The following LINGO1 variants were observed in gnomAD, a reference collection of about 807,000 sequenced individuals.
LINGO1 encodes leucine-rich repeat and immunoglobulin-like domain-containing nogo receptor-interacting protein 1.
In LINGO1, 11 loss-of-function variants were observed where a neutral mutation model predicts 37.3. That is an observed-to-expected ratio of 0.29 (90% CI 0.19 to 0.49). The LOEUF is 0.49. LINGO1 is among the 20% of genes least tolerant of loss of function. The probability of loss-of-function intolerance (pLI) is 0.99; values close to 1 mark genes in which losing one functional copy is unlikely to be tolerated. For missense variants in LINGO1, 585 were observed against 878.2 expected (o/e 0.67, Z 4.22); for synonymous variants, 387 against 403.0 (o/e 0.96, Z 0.48).
At position 77,810,330 on chromosome 15, in the gene LINGO1, G is replaced by GCA. The variant is rs985818947; in HGVS notation, c.-458+9926_-458+9927dup. 2.6e-4 allele frequency among the ~76,000 whole-genome samples: 38 copies of GCA among 147,858 alleles called. No homozygotes were observed. In the South Asian group the frequency reaches 2.8e-3, roughly 11 times the overall value. On this transcript the variant is annotated intron_variant, in intron 1 of 5. Coordinates refer to the LINGO1 transcript ENST00000562933. Reference sequence around the variant, plus strand: ...TAGGCTCACACACACACATACACATGCACACACACACACATGCACACACAC... The same window carrying GCA: ...TAGGCTCACACACACACATACACATGCACACACACACACACATGCACACACAC...
At chr15:77,738,299 C>A (rs910486480) in intron 1 of LINGO1, among the ~76,000 whole-genome samples, 1 of 152,170 alleles carries the variant, frequency 6.6e-6, no homozygotes, top group Non-Finnish European at 1.5e-5. Context: ...CCCTGTGGCT[C>A]CCTGCCATAA....
At chr15:77,719,467 C>T (rs1596152052) in intron 2 of LINGO1, among the ~76,000 whole-genome samples, 2 of 149,776 alleles carry the variant, frequency 1.3e-5, no homozygotes, top group Admixed American at 6.7e-5. Context: ...GAAACCCAAA[C>T]GCCTCCCAGG....
intron 1 of LINGO1, among the ~76,000 whole-genome samples, chr15:77,755,508 G>C (rs187780266): frequency 1.3e-5 from 2 of 152,176 alleles, no homozygotes; most frequent in African/African-American, 2.4e-5. Flanking sequence ...CCCTGACCCC[G>C]CATTTCTTTA....
intron 1 of LINGO1, among the ~76,000 whole-genome samples, chr15:77,769,828 G>T (rs2076566633): frequency 6.6e-6 from 1 of 152,158 alleles, no homozygotes; most frequent in East Asian, 1.9e-4. Context: ...CCCGGTGCGG[G>T]TACCTCACAA....
chr15:77,755,298 C>T (rs796855364), intron 1 of LINGO1, among the ~76,000 whole-genome samples: 1 of 152,346 alleles, frequency 6.6e-6, no homozygotes, highest in African/African-American at 2.4e-5. Context: ...CAGAGTCTTA[C>T]TCAAAAGAGG....
At chr15:77,646,168 C>T (rs1359627991) in intron 3 of LINGO1, among the ~76,000 whole-genome samples, 1 of 152,242 alleles carries the variant, frequency 6.6e-6, no homozygotes, top group Non-Finnish European at 1.5e-5. Flanking sequence ...ACCTTCTAGG[C>T]CTAGTAAAGT....
intron 3 of LINGO1, among the ~76,000 whole-genome samples, chr15:77,671,453 C>T (rs905191976): frequency 2.6e-5 from 4 of 152,200 alleles, no homozygotes; most frequent in Non-Finnish European, 5.9e-5. Context: ...GAGCCCAACA[C>T]AGTGATGACG....
chr15:77,795,216 G>A (rs542480615), intron 2 of LINGO1, among the ~76,000 whole-genome samples: 1 of 152,210 alleles, frequency 6.6e-6, no homozygotes, highest in Admixed American at 6.5e-5. Context: ...AGCAAGCCGG[G>A]GTCAAGCCAG....
intron 3 of LINGO1, among the ~76,000 whole-genome samples, chr15:77,649,739 G>A (rs1439385917): frequency 1.3e-5 from 2 of 152,148 alleles, no homozygotes. Flanking sequence ...GTGGCAGGCA[G>A]GACTCTTGCT....
chr15:77,783,019 G>C (rs1314188571), intron 1 of LINGO1, among the ~76,000 whole-genome samples: 3 of 152,012 alleles, frequency 2.0e-5, no homozygotes, highest in African/African-American at 7.2e-5. Context: ...TCCAGACACA[G>C]CCAGCTACTT....
chr15:77,774,695 T>C (rs1427587151), intron 1 of LINGO1, among the ~76,000 whole-genome samples: 4 of 151,974 alleles, frequency 2.6e-5, no homozygotes, highest in Non-Finnish European at 5.9e-5. Context: ...ATGTCAGTAA[T>C]GAGAGCAGCA....
intron 3 of LINGO1, among the ~76,000 whole-genome samples, chr15:77,652,531 T>TG (rs55988808): frequency 7.1e-6 from 1 of 141,438 alleles, no homozygotes; most frequent in Non-Finnish European, 1.5e-5. Context: ...TGTGTGTGTG[T>TG]TGCCAGAATA....
intron 3 of LINGO1, among the ~76,000 whole-genome samples, chr15:77,643,256 C>G (rs1039518751): frequency 1.4e-4 from 22 of 152,198 alleles, no homozygotes; most frequent in African/African-American, 4.8e-4. Flanking sequence ...GTGCTGGGAG[C>G]AGGACGGCTG....
chr15:77,769,811 A>G (rs535164484), intron 1 of LINGO1, among the ~76,000 whole-genome samples: 2 of 152,172 alleles, frequency 1.3e-5, no homozygotes, highest in Non-Finnish European at 2.9e-5. Context: ...GCCATCAGCA[A>G]GTCTCTCCCG....
chr15:77,769,107 G>C (rs973836064), intron 1 of LINGO1, among the ~76,000 whole-genome samples: 3 of 152,330 alleles, frequency 2.0e-5, no homozygotes, highest in African/African-American at 7.2e-5. Context: ...TCCAGACCCT[G>C]GCCGCAGCCA....
chr15:77,633,640 C>G (rs567096296), upstream of LINGO1, among the ~76,000 whole-genome samples: 1 of 152,330 alleles, frequency 6.6e-6, no homozygotes, highest in African/African-American at 2.4e-5. Context: ...CTGGCCCGCT[C>G]CGTCCGGAGG....
intron 1 of LINGO1, among the ~76,000 whole-genome samples, chr15:77,622,730 T>C (rs2073962356): frequency 6.6e-6 from 1 of 152,172 alleles, no homozygotes; most frequent in Non-Finnish European, 1.5e-5. Flanking sequence ...GTGGGGCCCA[T>C]CTAGAGAGGA....
At chr15:77,770,773 A>T (rs2076577501) in intron 1 of LINGO1, among the ~76,000 whole-genome samples, 1 of 152,104 alleles carries the variant, frequency 6.6e-6, no homozygotes, top group Non-Finnish European at 1.5e-5. Context: ...CTAAGCCCTA[A>T]ACTGGCCAAG....
Position 77,772,596 on chromosome 15 carries a change from T to C in LINGO1, c.-257+14273A>G, listed in dbSNP as rs561673115. On this transcript the variant is annotated intron_variant, in intron 1 of 3. Transcript: ENST00000561686. ...GCTGGGGGCTGGGGTGGGGGGTCTA[T>C]GGTTTAAAATAAAGCAGAATCTACC... is the stretch of plus-strand genomic sequence containing the variant. Among the ~76,000 whole-genome samples the C allele has an allele frequency of 2.1e-4, 32 of 152,212 alleles. No individual in the cohort carries two copies. The South Asian group carries it at 4.8e-3, about 23-fold the overall frequency.
Sources: allele counts gnomAD v4.1 joint callset (sites outside exome capture counted in the v4.1 genomes callset), GRCh38; gene constraint gnomAD v4.1.1; transcripts MANE v1.5; gene names NCBI Gene and HGNC (gene_info 2026-07-23, HGNC 2026-07-21).